FBXW11: variants seen among roughly 807,000 people sequenced by gnomAD.
The protein encoded by FBXW11 is F-box and WD repeat domain containing 11, also known as F-box/WD repeat-containing protein 11.
A neutral mutation model predicts 77.6 loss-of-function variants in FBXW11; 19 were observed. That is an observed-to-expected ratio of 0.24 (90% CI 0.17 to 0.36). The LOEUF is 0.36. FBXW11 is among the 10% of genes least tolerant of loss of function. The probability of loss-of-function intolerance (pLI) is 1.00; values close to 1 mark genes in which losing one functional copy is unlikely to be tolerated. For synonymous variants in FBXW11, 235 were observed against 249.4 expected (o/e 0.94, Z 0.54); for missense variants, 334 against 704.2 (o/e 0.47, Z 5.95).
At position 171,980,692 on chromosome 5, in the gene FBXW11, G is replaced by C. The variant is rs901494612; in HGVS notation, c.46-22994C>G. On this transcript the variant is annotated intron_variant, in intron 1 of 13. Transcript: ENST00000517395. The stretch of plus-strand genomic sequence containing the variant: ...ACTGACAATGCCAATTGCTGACTAG[G>C]ATGTAGAGCAACTAAACTCATATTG... 2.6e-5 allele frequency among the ~76,000 whole-genome samples: 4 copies of C among 152,266 alleles called. 1 individual carries two copies. Among genetic ancestry groups the C allele is most frequent in the Admixed American group, 2.6e-4 (4 of 15,296 alleles).
At chr5:171,965,256 T>A (rs1024536263) in intron 1 of FBXW11, among the ~76,000 whole-genome samples, 3 of 152,256 alleles carry the variant, frequency 2.0e-5, no homozygotes, top group African/African-American at 7.2e-5. Context: ...CCAGGCAAGA[T>A]GGCTCATGCC....
chr5:171,914,196 AT>A (rs1337398583), intron 3 of FBXW11, 146 bp downstream of exon 3: 14 of 655,084 alleles, frequency 2.1e-5, no homozygotes, highest in Non-Finnish European at 3.1e-5. Flanking sequence ...TGGAATGAAG[AT>A]AAATTAGGGT....
Position 171,870,836 on chromosome 5 carries a change from C to A in FBXW11, c.1363G>T (p.Ala455Ser). ...TIRLWDIECG[A>S]CLRVLEGHEE... ...TGTCCCTCTAGGACTCTTAAACAGG[C>A]ACCACATTCAATATCCCAGAGCCTT... The change falls in exon 11 of 14, where the codon GCC becomes TCC. Residue 455 changes from alanine to serine, a missense_variant. By Grantham distance (99) the Ala-to-Ser change is moderately conservative. Around this residue, in one of 10 missense-constraint regions of FBXW11, gnomAD observed 50 missense variants for 119.6 expected, o/e 0.42. Transcript: ENST00000517395. 3.1e-6 allele frequency: 5 copies of A among 1,613,626 alleles called. No homozygotes were observed. The highest frequency in any genetic ancestry group is 4.2e-6 in the Non-Finnish European group (5 of 1,179,570).
chr5:171,930,754 TAAAAAAATA>T (rs1762138918), intron 2 of FBXW11, among the ~76,000 whole-genome samples: 5 of 32,332 alleles, frequency 1.5e-4, no homozygotes, highest in Admixed American at 3.8e-4. Flanking sequence ...AAATAAAAAA[TAAAAAAATA>T]AAAAAAAAAA....
chr5:171,992,497 AAAG>A (rs2113564073), intron 1 of FBXW11, among the ~76,000 whole-genome samples: 1 of 152,020 alleles, frequency 6.6e-6, no homozygotes, highest in South Asian at 2.1e-4. Flanking sequence ...GGAAGAAAGA[AAAG>A]AGAGAGAAAG....
At chr5:171,893,434 A>AAAAAAAAAAAC (rs1759510242) in intron 6 of FBXW11, among the ~76,000 whole-genome samples, 1 of 143,706 alleles carries the variant, frequency 7.0e-6, no homozygotes, top group Admixed American at 7.0e-5. Context: ...AAAAAAAAAA[A>AAAAAAAAAAAC]AAAAAAAAAA....
intron 6 of FBXW11, among the ~76,000 whole-genome samples, chr5:171,894,681 C>A (rs1368683551): frequency 1.6e-5 from 2 of 123,452 alleles, no homozygotes; most frequent in African/African-American, 5.8e-5. Flanking sequence ...ATGCTTATAA[C>A]CCAGGTCTTT....
At chr5:171,888,638 A>G (rs1759080431) in intron 7 of FBXW11, among the ~76,000 whole-genome samples, 1 of 152,226 alleles carries the variant, frequency 6.6e-6, no homozygotes, top group Admixed American at 6.5e-5. Flanking sequence ...CATAATATCC[A>G]CAATGCCCAA....
chr5:171,931,921 ATGCAG>A (rs1352299376), intron 2 of FBXW11, among the ~76,000 whole-genome samples: 4 of 140,230 alleles, frequency 2.9e-5, no homozygotes, highest in Non-Finnish European at 4.5e-5. Context: ...GTCACCCACA[ATGCAG>A]TGCAGTGATG....
At chr5:171,968,435 C>T (rs1408508259) in intron 1 of FBXW11, among the ~76,000 whole-genome samples, 4 of 139,080 alleles carry the variant, frequency 2.9e-5, no homozygotes, top group South Asian at 2.3e-4. Context: ...CCAGCCTGGG[C>T]GAAAGAGCCA....
chr5:171,962,152 G>A (rs1041888849), intron 1 of FBXW11, among the ~76,000 whole-genome samples: 3 of 151,966 alleles, frequency 2.0e-5, no homozygotes. Context: ...GCTAAAATAT[G>A]TCTGAAGAAT....
chr5:171,869,786 C>T lies in FBXW11; in HGVS notation c.1473G>A (p.Leu491=), dbSNP rs143175843. 13 of 1,609,340 alleles carry T rather than the reference C, an allele frequency of 8.1e-6. No individual in the cohort carries two copies. In the African/African-American group the frequency reaches 1.6e-4, roughly 20 times the overall value. ...GGGCTCGAGGGTCAAGAGCAGCTTG[C>T]AAGTCCCAAACTTTAATTTTCCTAG... ...AYDGKIKVWD[L]QAALDPRAPA... is the part of the protein sequence containing the mutation. Residue 491 remains leucine (L), a synonymous_variant, in exon 12 of 14, where the codon TTG becomes TTA. Coordinates refer to ENST00000517395, the MANE Select transcript of FBXW11 (RefSeq NM_001378974.1). This position sits in a 1 kb window ranked among gnomAD's most constrained non-coding sequence, Gnocchi z 4.1.
chr5:171,912,805 G>A (rs1036557539), intron 3 of FBXW11, among the ~76,000 whole-genome samples: 1 of 152,044 alleles, frequency 6.6e-6, no homozygotes, highest in Non-Finnish European at 1.5e-5. Context: ...AGCTACTCAG[G>A]AGGCTGAGGC....
chr5:171,877,157 G>A (rs956612156), intron 8 of FBXW11, among the ~76,000 whole-genome samples: 1 of 152,192 alleles, frequency 6.6e-6, no homozygotes, highest in Non-Finnish European at 1.5e-5. Context: ...GGCTCTGCCT[G>A]AGTTTAGGTA....
intron 6 of FBXW11, among the ~76,000 whole-genome samples, chr5:171,897,897 A>T (rs958761804): frequency 5.9e-5 from 9 of 152,136 alleles, no homozygotes; most frequent in Admixed American, 3.9e-4. Context: ...AGTTAACACC[A>T]TGTCTCAGCC....
chr5:171,880,592 CT>C, intron 7 of FBXW11, among the ~76,000 whole-genome samples: 1 of 152,284 alleles, frequency 6.6e-6, no homozygotes, highest in Middle Eastern at 3.4e-3. Flanking sequence ...TTATTTAGTT[CT>C]TTGATTTCTT....
intron 7 of FBXW11, among the ~76,000 whole-genome samples, chr5:171,881,045 A>G (rs1250599780): frequency 6.6e-6 from 1 of 152,212 alleles, no homozygotes; most frequent in African/African-American, 2.4e-5. Context: ...TTGCTGCTAT[A>G]TGGGTAAGCA....
At chr5:171,905,663 A>G (rs553226007) in intron 4 of FBXW11, among the ~76,000 whole-genome samples, 2 of 144,048 alleles carry the variant, frequency 1.4e-5, no homozygotes, top group East Asian at 4.5e-4. Context: ...GAATCACACA[A>G]TCTCTATTCA....
intron 6 of FBXW11, among the ~76,000 whole-genome samples, chr5:171,896,981 T>TA (rs898863864): frequency 5.3e-5 from 8 of 151,530 alleles, no homozygotes; most frequent in Non-Finnish European, 1.2e-4. Context: ...AAAATGGGAG[T>TA]AAAAAAAAAT....
Sources: allele counts gnomAD v4.1 joint callset (sites outside exome capture counted in the v4.1 genomes callset), GRCh38; gene constraint gnomAD v4.1.1; regional missense constraint gnomAD v4.1.1; non-coding constraint Gnocchi (gnomAD v3.1); transcripts MANE v1.5; gene names NCBI Gene and HGNC (gene_info 2026-07-23, HGNC 2026-07-21).